Variants in PRKCZ observed in about 807,000 individuals in gnomAD.
PRKCZ encodes protein kinase C zeta type.
Under a neutral mutation model 79.5 loss-of-function variants are expected in PRKCZ, and 33 were observed. The observed-to-expected ratio is 0.41, with a 90% CI of 0.31 to 0.55. The LOEUF (loss-of-function observed/expected upper bound fraction) is 0.55, where lower values mean the gene tolerates loss of function less well. PRKCZ is among the 20% of genes least tolerant of loss of function. The probability of loss-of-function intolerance (pLI) is 0.19; values close to 1 mark genes in which losing one functional copy is unlikely to be tolerated. For missense variants in PRKCZ, 578 were observed against 813.5 expected (o/e 0.71, Z 3.52); for synonymous variants, 342 against 320.9 (o/e 1.07, Z -0.70).
At position 2,172,410 on chromosome 1, in the gene PRKCZ, CCT is replaced by C. The variant is rs1305022552; in HGVS notation, c.1285+26_1285+27del. The C allele has an allele frequency of 6.9e-6, 11 of 1,602,048 alleles. No individual in the cohort carries two copies. The African/African-American group carries it at 9.4e-5, about 14-fold the overall frequency. ...TACGGTGAGTGCCGCTGCCCTGGCCCCTCTCGGAGCACACAGGGCCAGAGATG... is the reference window on the plus strand; with the variant it reads ...TACGGTGAGTGCCGCTGCCCTGGCCCCTCGGAGCACACAGGGCCAGAGATG... On this transcript the variant is annotated intron_variant, in intron 13 of 17. Coordinates refer to ENST00000378567, the MANE Select transcript of PRKCZ (RefSeq NM_002744.6). This position sits in a 1 kb window ranked among gnomAD's most constrained non-coding sequence, Gnocchi z 7.8.
intron 4 of PRKCZ, among the ~76,000 whole-genome samples, chr1:2,102,561 T>C (rs1158162386): frequency 6.6e-6 from 1 of 152,106 alleles, no homozygotes; most frequent in Non-Finnish European, 1.5e-5. Flanking sequence ...CTCGATCTCC[T>C]GACCTCGTGA....
In PRKCZ at chr1:2,106,263, C is replaced by T. The variant is rs138778976; in HGVS notation, c.335-28999C>T. Among the ~76,000 whole-genome samples, 442 of 152,348 alleles carry T rather than the reference C, an allele frequency of 2.9e-3. 2 individuals carry two copies. The highest frequency in any genetic ancestry group is 9.9e-3 in the African/African-American group (412 of 41,582). The stretch of plus-strand genomic sequence containing the variant: ...CCAAACATCAAAAGGCAGAACTGAG[C>T]GGCTTGGTACTTGAAAAGTTTTTAT... On this transcript the variant is annotated intron_variant, in intron 4 of 17. Transcript: ENST00000378567.
chr1:2,085,447 G>A (rs1395935891), intron 4 of PRKCZ, among the ~76,000 whole-genome samples: 1 of 152,268 alleles, frequency 6.6e-6, no homozygotes, highest in African/African-American at 2.4e-5. Flanking sequence ...TCCTGGCGGG[G>A]CTAGGGCCAG....
At chr1:2,100,014 G>A (rs758942613) in intron 4 of PRKCZ, among the ~76,000 whole-genome samples, 6 of 152,124 alleles carry the variant, frequency 3.9e-5, no homozygotes, top group Non-Finnish European at 5.9e-5. Flanking sequence ...TGTTGAAACC[G>A]GAAGCCATTT....
chr1:2,179,607 C>T (rs1686143669), intron 16 of PRKCZ, among the ~76,000 whole-genome samples: 1 of 152,218 alleles, frequency 6.6e-6, no homozygotes, highest in Non-Finnish European at 1.5e-5. Context: ...GGCGGTGCTG[C>T]GCTAACTCAT....
chr1:2,071,227 G>A (rs1237335338), intron 4 of PRKCZ: 3 of 273,438 alleles, frequency 1.1e-5, no homozygotes, highest in East Asian at 1.4e-4. Context: ...TGTGAGGCTC[G>A]ACAGGGTTTA....
Position 2,075,720 on chromosome 1 carries a change from T to G in PRKCZ, c.334+16129T>G, listed in dbSNP as rs1194226626. 6.6e-6 allele frequency among the ~76,000 whole-genome samples: 1 copy of G among 152,178 alleles called. No individual in the cohort carries two copies. Among genetic ancestry groups the G allele is most frequent in the Non-Finnish European group, 1.5e-5 (1 of 68,020 alleles). ...CAGTTAATCAGATCTGTCAGCCCAG[T>G]GTCCACAGGGTGCCTGAGAGCCCAG... On this transcript the variant is annotated intron_variant, in intron 4 of 17. Transcript: ENST00000378567. This position sits in a 1 kb window ranked among gnomAD's most constrained non-coding sequence, Gnocchi z 4.8.
chr1:2,096,699 T>C (rs1388981252), intron 4 of PRKCZ, among the ~76,000 whole-genome samples: 1 of 152,104 alleles, frequency 6.6e-6, no homozygotes, highest in Non-Finnish European at 1.5e-5. Context: ...AATGTGGAGC[T>C]GAGCGGTCCG....
At chr1:2,053,362 G>C (rs897048701) in intron 1 of PRKCZ, among the ~76,000 whole-genome samples, 5 of 152,210 alleles carry the variant, frequency 3.3e-5, no homozygotes, top group Non-Finnish European at 5.9e-5. Flanking sequence ...GCCTCCCAAA[G>C]CGCTGGGATG....
chr1:2,154,645 C>T (rs913374453), intron 9 of PRKCZ, among the ~76,000 whole-genome samples: 1 of 152,176 alleles, frequency 6.6e-6, no homozygotes, highest in Non-Finnish European at 1.5e-5. Context: ...CTGCAGTGAG[C>T]AGTAATCGCA....
In PRKCZ at chr1:2,082,283, C is replaced by T. The variant is rs28510725; in HGVS notation, c.334+22692C>T. On this transcript the variant is annotated intron_variant, in intron 4 of 17. Coordinates refer to ENST00000378567, the MANE Select transcript of PRKCZ (RefSeq NM_002744.6). The surrounding 1 kb of genome is among the most constrained non-coding windows in gnomAD (Gnocchi z 4.4). ...AGGGAGGCTCCGTGGCACGATCACA[C>T]GTGCAGGAGCTGGGGGCTGCCAGAG... The T allele has an allele frequency of 7.8e-3, 3,399 of 434,114 alleles. 102 individuals are homozygous for T. Among genetic ancestry groups the T allele is most frequent in the African/African-American group, 0.06 (2,989 of 49,544 alleles). 26.9% of individuals were successfully genotyped at this position (434,114 alleles called of 1,614,324 possible). A position where few individuals can be genotyped will look rare whatever the true frequency, so the allele number is the denominator to read the frequency against.
chr1:2,168,024 C>T lies in PRKCZ; in HGVS notation c.975-1494C>T, dbSNP rs1345653312. 6.6e-6 allele frequency among the ~76,000 whole-genome samples: 1 copy of T among 152,226 alleles called. No homozygotes were observed. Among genetic ancestry groups the T allele is most frequent in the Non-Finnish European group, 1.5e-5 (1 of 68,036 alleles). On this transcript the variant is annotated intron_variant, in intron 10 of 17. Coordinates refer to ENST00000378567, the MANE Select transcript of PRKCZ (RefSeq NM_002744.6). This position sits in a 1 kb window ranked among gnomAD's most constrained non-coding sequence, Gnocchi z 4.7. ...GCTTCGTTCCGTGGGGTTGACGTTA[C>T]TGAACGAGTCCCTCCACGGGTGCAC...
At chr1:2,061,526 C>T (rs1293917657) in intron 4 of PRKCZ, among the ~76,000 whole-genome samples, 4 of 152,146 alleles carry the variant, frequency 2.6e-5, no homozygotes, top group Admixed American at 6.5e-5. Context: ...GAGGAAGGAC[C>T]TCCTGGGACA....
intron 4 of PRKCZ, among the ~76,000 whole-genome samples, chr1:2,123,886 G>A (rs1178761368): frequency 2.2e-4 from 2 of 9,230 alleles, no homozygotes; most frequent in Non-Finnish European, 3.4e-4. Context: ...TTAGGGTCAC[G>A]GCGGCGGTTA....
chr1:2,062,241 G>A (rs1176910593), intron 4 of PRKCZ, among the ~76,000 whole-genome samples: 1 of 152,106 alleles, frequency 6.6e-6, no homozygotes, highest in Non-Finnish European at 1.5e-5. Flanking sequence ...GGAACCCCGT[G>A]CCCGTCATCG....
intron 4 of PRKCZ, among the ~76,000 whole-genome samples, chr1:2,080,758 G>A (rs1663345992): frequency 6.6e-6 from 1 of 152,176 alleles, no homozygotes; most frequent in Non-Finnish European, 1.5e-5. Context: ...ATCCCGTCCA[G>A]GGCCCCACGT....
chr1:2,124,613 G>A (rs1033203278), intron 4 of PRKCZ, among the ~76,000 whole-genome samples: 4 of 152,172 alleles, frequency 2.6e-5, no homozygotes, highest in Non-Finnish European at 5.9e-5. Context: ...ACATGAGAAA[G>A]TCAATGCCTG....
At chr1:2,104,970 AC>A in intron 4 of PRKCZ, 1 of 971,662 alleles carries the variant, frequency 1.0e-6, no homozygotes, top group Non-Finnish European at 1.2e-6. Flanking sequence ...GGCCGGCCTC[AC>A]CCCGACAGCC....
intron 10 of PRKCZ, 97 bp from the exon 11 acceptor site, chr1:2,169,421 G>T: frequency 9.7e-7 from 1 of 1,036,118 alleles, no homozygotes; most frequent in Non-Finnish European, 1.5e-6. Flanking sequence ...CCTGCGGGAG[G>T]GTTCGGGCCC....
Sources: allele counts gnomAD v4.1 joint callset (sites outside exome capture counted in the v4.1 genomes callset), GRCh38; gene constraint gnomAD v4.1.1; non-coding constraint Gnocchi (gnomAD v3.1); transcripts MANE v1.5; gene names NCBI Gene and HGNC (gene_info 2026-07-23, HGNC 2026-07-21).